Variants in ATP2C1 observed in about 807,000 individuals in gnomAD.
ATP2C1 encodes ATPase secretory pathway Ca2+ transporting 1.
ATP2C1 carries 31 observed loss-of-function variants against 120.5 expected under a neutral mutation model. That is an observed-to-expected ratio of 0.26 (90% CI 0.19 to 0.35). ATP2C1 has a LOEUF of 0.35. ATP2C1 is among the 10% of genes least tolerant of loss of function. The pLI, the probability that ATP2C1 is intolerant of heterozygous loss-of-function variation, is 1.00. For missense variants in ATP2C1, 731 were observed against 1,107.5 expected (o/e 0.66, Z 4.83); for synonymous variants, 351 against 358.7 (o/e 0.98, Z 0.24).
At chr3:130,954,872 T>G in intron 9 of ATP2C1, 140 bp from the exon 10 acceptor site, 1 of 683,458 alleles carries the variant, frequency 1.5e-6, no homozygotes, top group South Asian at 1.7e-5. Context: ...AAAGTAAATT[T>G]GCTGAGGAAA....
At chr3:130,941,837 C>CTT in intron 8 of ATP2C1, 138 bp downstream of exon 8, 5 of 708,712 alleles carry the variant, frequency 7.1e-6, no homozygotes, top group African/African-American at 1.8e-5. Context: ...CATATATAAA[C>CTT]TTTTTTTTTT....
In ATP2C1 at chr3:130,992,964, A is replaced by C; in HGVS notation, c.1853A>C (p.Tyr618Ser). 6.2e-7 allele frequency: 1 copy of C among 1,612,626 alleles called. No homozygotes were observed. The highest frequency in any genetic ancestry group is 8.5e-7 in the Non-Finnish European group (1 of 1,178,850). ...SQIVPKVAVFYRASPRHKMKI... is the reference protein window; with the variant it reads ...SQIVPKVAVFSRASPRHKMKI... ...GTATTTTAACAGGTTGCAGTATTTT[A>C]CAGAGCTAGCCCAAGGCACAAGATG... Residue 618 changes from tyrosine (Y) to serine (S), a missense_variant, in exon 21 of 28, where the codon TAC becomes TCC. Tyr to Ser is a moderately radical substitution (Grantham distance 144). Transcript: ENST00000510168.
At chr3:130,870,457 T>C (rs779496345) in intron 1 of ATP2C1, among the ~76,000 whole-genome samples, 5 of 152,220 alleles carry the variant, frequency 3.3e-5, no homozygotes, top group Non-Finnish European at 7.3e-5. Context: ...TAAAAACATT[T>C]GTGATTCATG....
At chr3:130,867,636 G>A (rs1186573077) in intron 1 of ATP2C1, among the ~76,000 whole-genome samples, 2 of 151,738 alleles carry the variant, frequency 1.3e-5, no homozygotes, top group African/African-American at 2.4e-5. Flanking sequence ...ATCTTGGCTC[G>A]CTACAACCTC....
rs769015899 is a variant in ATP2C1 at position 130,953,976 on chromosome 3, G to A, written c.687G>A (p.Lys229=). The A allele has an allele frequency of 6.2e-7, 1 of 1,613,760 alleles. No homozygotes were observed. Among genetic ancestry groups the A allele is most frequent in the South Asian group, 1.1e-5 (1 of 91,074 alleles). The change falls in exon 9 of 28, where the codon AAG becomes AAA. Residue 229 remains lysine, a splice_region_variant and synonymous_variant. Transcript: ENST00000510168. ...MGTLVRCGKA[K]GVVIGTGENS... ...CACTGGTCAGATGTGGCAAAGCAAA[G>A]GTAAATTTTTTTCCTGATTTGAAAA...
chr3:130,922,532 C>G (rs2059016710), intron 2 of ATP2C1, among the ~76,000 whole-genome samples: 1 of 151,930 alleles, frequency 6.6e-6, no homozygotes, highest in African/African-American at 2.4e-5. Flanking sequence ...TTCTCTAGTT[C>G]CTTGAGGTGT....
chr3:130,967,206 G>C lies in ATP2C1; in HGVS notation c.1184G>C (p.Gly395Ala), dbSNP rs774468874. The C allele has an allele frequency of 6.2e-7, 1 of 1,613,786 alleles. No individual in the cohort carries two copies. Among genetic ancestry groups the C allele is most frequent in the East Asian group, 2.2e-5 (1 of 44,864 alleles). Residue 395 changes from glycine to alanine, a missense_variant, in exon 15 of 28, where the codon GGA becomes GCA. Physicochemically the swap from Gly to Ala is moderately conservative, Grantham distance 60 (BLOSUM62 0). Around this residue, in one of 3 missense-constraint regions of ATP2C1, gnomAD observed 571 missense variants for 845.9 expected, o/e 0.67. Coordinates refer to ENST00000510168, the MANE Select transcript of ATP2C1 (RefSeq NM_001378687.1). Reference protein sequence around the residue: ...EVIVDGDVVHGFYNPAVSRIV... With the variant: ...EVIVDGDVVHAFYNPAVSRIV... ...ATTGTTGATGGTGATGTTGTTCATG[G>C]ATTCTATAACCCAGCTGTTAGCAGA...
At chr3:130,869,458 A>AAAAAAAAAAAAAAAAAAAT (rs1420627247) in intron 1 of ATP2C1, 1 of 128,244 alleles carries the variant, frequency 7.8e-6, no homozygotes, top group Non-Finnish European at 1.7e-5. Flanking sequence ...AAAAAAAAAA[A>AAAAAAAAAAAAAAAAAAAT]AGAAATGATT....
chr3:130,931,919 T>C, intron 3 of ATP2C1, 103 bp from the exon 4 acceptor site: 1 of 775,378 alleles, frequency 1.3e-6, no homozygotes. Flanking sequence ...TTTTGACTGT[T>C]GTAGTTTCTG....
In ATP2C1 at chr3:130,988,650, C is replaced by T. The variant is rs2062141427; in HGVS notation, c.1840-4301C>T. On this transcript the variant is annotated intron_variant, in intron 20 of 27. Coordinates refer to ENST00000510168, the MANE Select transcript of ATP2C1 (RefSeq NM_001378687.1). ...AATTGATCCTCAGTGCCTCTGCCTCCCATAAAGATTTATGGGGATCATGTC... is the reference window on the plus strand; with the variant it reads ...AATTGATCCTCAGTGCCTCTGCCTCTCATAAAGATTTATGGGGATCATGTC... Among the ~76,000 whole-genome samples the T allele has an allele frequency of 2.0e-5, 3 of 152,028 alleles. No individual in the cohort carries two copies. The South Asian group carries it at 6.3e-4, about 32-fold the overall frequency.
At position 130,894,274 on chromosome 3, in the gene ATP2C1, GGCGCCCCCGC is replaced by G; in HGVS notation, c.-242_-233del. On this transcript the variant is annotated 5_prime_UTR_variant, in exon 1 of 28. Coordinates refer to ENST00000510168, the MANE Select transcript of ATP2C1 (RefSeq NM_001378687.1). The surrounding 1 kb of genome is among the most constrained non-coding windows in gnomAD (Gnocchi z 4.5). ...GCTCCTCTTCTCCCGAGGCGCGCGG[GGCGCCCCCGC>G]GAGCCCCGCGGCTGAGACCCCGCAG... 1 of 986,106 alleles carries G rather than the reference GGCGCCCCCGC, an allele frequency of 1.0e-6. No individual in the cohort carries two copies. Among genetic ancestry groups the G allele is most frequent in the South Asian group, 4.7e-5 (1 of 21,502 alleles). The allele number at this position is 986,106 out of a possible 1,614,324, so 61.1% of individuals were successfully genotyped here. A position where few individuals can be genotyped will look rare whatever the true frequency, so the allele number is the denominator to read the frequency against.
rs117589009 is a variant in ATP2C1, at chr3:131,014,065, T to C, written c.2630-2087T>C. ...TTGATGCAAACTGAGTTTTATTCAA[T>C]GTTGGAGGCCTCACTATGTTCCTCT... On this transcript the variant is annotated intron_variant, in intron 26 of 26. Transcript: ENST00000328560. The C allele has an allele frequency of 7.0e-4, 1,099 of 1,577,424 alleles. 10 individuals are homozygous for C. The East Asian group carries it at 0.022, about 31-fold the overall frequency.
At chr3:130,908,506 C>T (rs370363559) in intron 2 of ATP2C1, among the ~76,000 whole-genome samples, 1 of 151,750 alleles carries the variant, frequency 6.6e-6, no homozygotes, top group Non-Finnish European at 1.5e-5. Context: ...GTATACACAC[C>T]TGTATAGAAA....
Position 130,894,301 on chromosome 3 carries a change from AC to A in ATP2C1, c.-213del. On this transcript the variant is annotated 5_prime_UTR_variant, in exon 1 of 28. Transcript: ENST00000510168. The surrounding 1 kb of genome is among the most constrained non-coding windows in gnomAD (Gnocchi z 4.5). ...CGCCCCCGCGAGCCCCGCGGCTGAG[AC>A]CCCGCAGCCTGGAGGAGGGCTGTCC... 2 of 986,034 alleles carry A rather than the reference AC, an allele frequency of 2.0e-6. No homozygotes were observed. Among genetic ancestry groups the A allele is most frequent in the Non-Finnish European group, 2.4e-6 (2 of 830,540 alleles). The allele number at this position is 986,034 out of a possible 1,614,324, so 61.1% of individuals were successfully genotyped here. A position where few individuals can be genotyped will look rare whatever the true frequency, so the allele number is the denominator to read the frequency against.
intron 1 of ATP2C1, chr3:130,855,963 G>C (rs962735933): frequency 6.6e-6 from 1 of 151,832 alleles, no homozygotes; most frequent in Admixed American, 6.5e-5. Flanking sequence ...CCAATGTCTC[G>C]CTCTCTTGAA....
intron 1 of ATP2C1, among the ~76,000 whole-genome samples, chr3:130,871,753 G>T (rs976683286): frequency 6.6e-6 from 1 of 152,218 alleles, no homozygotes; most frequent in African/African-American, 2.4e-5. Flanking sequence ...CAGGGGCGGT[G>T]GCTCACCCCT....
At position 130,964,103 on chromosome 3, in the gene ATP2C1, T is replaced by A; in HGVS notation, c.1024+8T>A. On this transcript the variant is annotated splice_region_variant and intron_variant, in intron 13 of 27. Transcript: ENST00000510168. ...CTATTGTTGAAACTCTGGGTAAGTC[T>A]GTGTTAAGAGCATTCTTATGCAATG... 6.2e-7 allele frequency: 1 copy of A among 1,611,846 alleles called. No individual in the cohort carries two copies. The highest frequency in any genetic ancestry group is 2.2e-5 in the East Asian group (1 of 44,816).
At chr3:130,984,474 T>A (rs1353746943) in intron 20 of ATP2C1, among the ~76,000 whole-genome samples, 5 of 152,198 alleles carry the variant, frequency 3.3e-5, no homozygotes, top group African/African-American at 1.2e-4. Context: ...TAGCATTAAG[T>A]CCCTAGACCT....
chr3:130,894,682 C>T lies in ATP2C1; in HGVS notation c.-88C>T, dbSNP rs898196134. ...GATTCCGGGGGCTTCTCTTCCTTGTCCTCCTCCTCTCCTCTCTATTCCCAG... is the reference window on the plus strand; with the variant it reads ...GATTCCGGGGGCTTCTCTTCCTTGTTCTCCTCCTCTCCTCTCTATTCCCAG... On this transcript the variant is annotated 5_prime_UTR_variant, in exon 2 of 28. Transcript: ENST00000510168. This position sits in a 1 kb window ranked among gnomAD's most constrained non-coding sequence, Gnocchi z 4.5. The T allele has an allele frequency of 3.1e-6, 5 of 1,613,452 alleles. No individual in the cohort carries two copies. The highest frequency in any genetic ancestry group is 1.1e-5 in the South Asian group (1 of 91,032).
Sources: allele counts gnomAD v4.1 joint callset (sites outside exome capture counted in the v4.1 genomes callset), GRCh38; gene constraint gnomAD v4.1.1; regional missense constraint gnomAD v4.1.1; non-coding constraint Gnocchi (gnomAD v3.1); transcripts MANE v1.5; gene names NCBI Gene and HGNC (gene_info 2026-07-23, HGNC 2026-07-21).